ASMT: variants seen among roughly 807,000 people sequenced by gnomAD.
The protein encoded by ASMT is acetylserotonin N-methyltransferase.
A neutral mutation model predicts 41.3 loss-of-function variants in ASMT; 53 were observed. The observed-to-expected ratio is 1.28, with a 90% CI of 1.03 to 1.61. The LOEUF is 1.61. Among genes scored for constraint, ASMT ranks in the 40% most tolerant of loss-of-function variants. ASMT has a pLI of 0.00. For missense variants in ASMT, 531 were observed against 441.3 expected (o/e 1.20, Z -1.82); for synonymous variants, 231 against 184.8 (o/e 1.25, Z -2.03).
In ASMT at chrX:1,636,496, C is replaced by A; in HGVS notation, c.846C>A (p.Leu282=). 1 of 1,613,910 alleles carries A rather than the reference C, an allele frequency of 6.2e-7. No homozygotes were observed. Among genetic ancestry groups the A allele is most frequent in the Non-Finnish European group, 8.5e-7 (1 of 1,179,868 alleles). The change falls in exon 8 of 9, where the codon CTC becomes CTA. Residue 282 remains leucine, a synonymous_variant. Coordinates refer to ENST00000381241, the MANE Select transcript of ASMT (RefSeq NM_001171038.2). The stretch of plus-strand genomic sequence containing the variant: ...ATCTGTACATCCTGGCCAGGGTCCT[C>A]CATGACTGGGCAGACGGAAAGTGCT... ...EADLYILARV[L]HDWADGKCSH...
intron 5 of ASMT, among the ~76,000 whole-genome samples, chrX:1,631,778 G>A (rs1246519346): frequency 1.3e-5 from 2 of 151,966 alleles, no homozygotes; most frequent in South Asian, 2.1e-4. Flanking sequence ...GGCTGGGTGC[G>A]GTGGCTCATG....
intron 1 of ASMT, 143 bp downstream of exon 1, chrX:1,615,411 T>C (rs1603460975): frequency 1.1e-6 from 1 of 875,604 alleles, no homozygotes; most frequent in South Asian, 1.4e-5. Context: ...ACACCCACGA[T>C]GTAGCCTCAG....
At chrX:1,615,798 T>C (rs1328641188) in intron 1 of ASMT, among the ~76,000 whole-genome samples, 4 of 150,840 alleles carry the variant, frequency 2.7e-5, no homozygotes, top group South Asian at 2.1e-4. Flanking sequence ...CAAGACTCTG[T>C]GTCAAAAAAA....
At chrX:1,629,152 A>T (rs1189367985) in intron 4 of ASMT, among the ~76,000 whole-genome samples, 2 of 151,788 alleles carry the variant, frequency 1.3e-5, no homozygotes, top group Non-Finnish European at 2.9e-5. Flanking sequence ...AGGGGGCACA[A>T]GTACCCATGT....
At chrX:1,627,624 G>T in intron 3 of ASMT, 79 bp from the exon 4 acceptor site, 1 of 1,348,254 alleles carries the variant, frequency 7.4e-7, no homozygotes, top group African/African-American at 1.6e-5. Flanking sequence ...GAAATGAAAC[G>T]AAATGAAACG....
At chrX:1,633,398 C>T (rs189407187) in intron 7 of ASMT, 108 bp downstream of exon 7, 32 of 1,335,328 alleles carry the variant, frequency 2.4e-5, no homozygotes, top group Middle Eastern at 3.9e-4. Context: ...CTCTCACTCC[C>T]GGAAACACCC....
At chrX:1,635,732 G>A (rs28446103) in intron 7 of ASMT, among the ~76,000 whole-genome samples, 1,826 of 150,778 alleles carry the variant, frequency 0.012, 41 homozygotes, top group African/African-American at 0.042. Context: ...CGTGGTGGCG[G>A]GTGCCTGTAA....
intron 1 of ASMT, among the ~76,000 whole-genome samples, chrX:1,616,517 C>G (rs377633001): frequency 1.3e-5 from 2 of 151,094 alleles, no homozygotes; most frequent in African/African-American, 4.8e-5. Context: ...TGGAACCCGG[C>G]GGAAGTGCTG....
chrX:1,642,622 G>A (rs1316594980), intron 8 of ASMT, among the ~76,000 whole-genome samples, 181 bp from the exon 9 acceptor site: 11 of 151,456 alleles, frequency 7.3e-5, no homozygotes, highest in East Asian at 3.9e-4. Context: ...GTGTCCCAGC[G>A]TCCTGTGAGG....
Position 1,623,265 on chromosome X carries a change from A to G in ASMT, c.196A>G (p.Ile66Val). ...CCATGGGACAGAGCTCCTGCTGGACATCTGTGTGTCCCTGAAGCTGCTGAA... is the reference window on the plus strand; with the variant it reads ...CCATGGGACAGAGCTCCTGCTGGACGTCTGTGTGTCCCTGAAGCTGCTGAA... ...SAHGTELLLD[I>V]CVSLKLLKVE... The change falls in exon 2 of 9, where the codon ATC becomes GTC. Residue 66 changes from isoleucine (I) to valine (V), a missense_variant. By Grantham distance (29) the Ile-to-Val change is conservative. Transcript: ENST00000381241. 6.2e-7 allele frequency: 1 copy of G among 1,613,938 alleles called. No homozygotes were observed. Among genetic ancestry groups the G allele is most frequent in the Non-Finnish European group, 8.5e-7 (1 of 1,179,876 alleles).
At position 1,623,208 on chromosome X, in the gene ASMT, G is replaced by A. The variant is rs1402844746; in HGVS notation, c.139G>A (p.Ala47Thr). The part of the protein sequence containing the change: ...LAEAPGPLDV[A>T]AVAAGVRASA... ...CGAGGCCCCAGGGCCCCTGGACGTG[G>A]CGGCAGTGGCTGCAGGTGTGAGGGC... The change falls in exon 2 of 9, where the codon GCG becomes ACG. Residue 47 changes from alanine (A) to threonine (T), a missense_variant. By Grantham distance (58) the Ala-to-Thr change is moderately conservative. Coordinates refer to ENST00000381241, the MANE Select transcript of ASMT (RefSeq NM_001171038.2). 1.2e-6 allele frequency: 2 copies of A among 1,613,502 alleles called. No individual in the cohort carries two copies. Among genetic ancestry groups the A allele is most frequent in the Non-Finnish European group, 1.7e-6 (2 of 1,179,850 alleles).
rs188770980 is a variant in ASMT, at chrX:1,621,234, A to C, written c.70-1905A>C. Among the ~76,000 whole-genome samples the C allele has an allele frequency of 4.0e-3, 605 of 152,324 alleles. 12 individuals are homozygous for C. The highest frequency in any genetic ancestry group is 0.03 in the Admixed American group (458 of 15,284). On this transcript the variant is annotated intron_variant, in intron 1 of 8. Transcript: ENST00000381241. ...CATCTTTCCCTGTGGTTTGTTTATGACTTCCTGTCACTAAGGTTGCCTGAG... is the reference window on the plus strand; with the variant it reads ...CATCTTTCCCTGTGGTTTGTTTATGCCTTCCTGTCACTAAGGTTGCCTGAG...
At chrX:1,631,386 C>T (rs1179650434) in intron 5 of ASMT, among the ~76,000 whole-genome samples, 6 of 151,828 alleles carry the variant, frequency 4.0e-5, no homozygotes, top group African/African-American at 1.5e-4. Flanking sequence ...TCCCCAACCC[C>T]GAGCTCACCC....
At chrX:1,630,431 G>A (rs1381810060) in intron 5 of ASMT, among the ~76,000 whole-genome samples, 19 of 149,548 alleles carry the variant, frequency 1.3e-4, no homozygotes, top group South Asian at 2.1e-4. Flanking sequence ...CCAGCCTCCC[G>A]AGTAGGTGGG....
chrX:1,628,182 G>C (rs554685461), intron 4 of ASMT: 1 of 246,110 alleles, frequency 4.1e-6, no homozygotes, highest in Non-Finnish European at 7.9e-6. Context: ...TTAGCCGGGC[G>C]TGGTGGCGGA....
chrX:1,631,060 G>A (rs182935959), intron 5 of ASMT, among the ~76,000 whole-genome samples: 19,220 of 146,550 alleles, frequency 0.13, 1,340 homozygotes, highest in South Asian at 0.26. Flanking sequence ...ACAGGCGCCC[G>A]CCACCACGCC....
intron 5 of ASMT, among the ~76,000 whole-genome samples, chrX:1,632,350 G>A (rs1217720090): frequency 6.6e-6 from 1 of 151,870 alleles, no homozygotes; most frequent in Non-Finnish European, 1.5e-5. Context: ...TAGACATGGT[G>A]GATAAAAAAG....
chrX:1,628,862 G>A (rs1266808195), intron 4 of ASMT, among the ~76,000 whole-genome samples: 3 of 144,234 alleles, frequency 2.1e-5, no homozygotes, highest in Non-Finnish European at 3.0e-5. Context: ...TTCATGCCCC[G>A]TATTTCACCT....
intron 7 of ASMT, 185 bp from the exon 8 acceptor site, chrX:1,636,253 G>A (rs773029677): frequency 1.7e-4 from 157 of 903,704 alleles, no homozygotes; most frequent in Middle Eastern, 1.7e-3. Flanking sequence ...CACCGCGCCC[G>A]ACCTCAGTAT....
Sources: allele counts gnomAD v4.1 joint callset (sites outside exome capture counted in the v4.1 genomes callset), GRCh38; gene constraint gnomAD v4.1.1; transcripts MANE v1.5; gene names NCBI Gene and HGNC (gene_info 2026-07-23, HGNC 2026-07-21).